The following PLCXD3 variants were observed in gnomAD, a reference collection of about 807,000 sequenced individuals.
PLCXD3 encodes the protein phosphatidylinositol specific phospholipase C X domain containing 3.
Under a neutral mutation model 25.5 loss-of-function variants are expected in PLCXD3, and 19 were observed. The ratio of observed to expected loss-of-function variants is 0.75; its 90% confidence interval spans 0.52 to 1.09. The LOEUF (loss-of-function observed/expected upper bound fraction) is 1.09. Ranked by LOEUF, PLCXD3 falls within the 50% of genes least tolerant of loss-of-function variation. PLCXD3 has a pLI of 0.00. For missense variants in PLCXD3, 411 were observed against 388.1 expected (o/e 1.06, Z -0.50); for synonymous variants, 174 against 137.6 (o/e 1.26, Z -1.85).
intron 1 of PLCXD3, among the ~76,000 whole-genome samples, chr5:41,421,840 A>G (rs766325341): frequency 2.0e-5 from 3 of 152,220 alleles, no homozygotes; most frequent in East Asian, 1.9e-4. Context: ...CAGGTGTGCT[A>G]AAAAACTTTT....
chr5:41,361,330 G>A (rs1049293279), intron 2 of PLCXD3, among the ~76,000 whole-genome samples: 1 of 152,204 alleles, frequency 6.6e-6, no homozygotes, highest in Non-Finnish European at 1.5e-5. Context: ...CATACCATGA[G>A]CTTCCCTGCT....
At chr5:41,327,934 G>A (rs998494775) in intron 2 of PLCXD3, among the ~76,000 whole-genome samples, 4 of 152,002 alleles carry the variant, frequency 2.6e-5, no homozygotes, top group Non-Finnish European at 5.9e-5. Context: ...GCCTCCCAAA[G>A]CGCTGGGATT....
intron 2 of PLCXD3, among the ~76,000 whole-genome samples, chr5:41,357,240 T>C (rs909916152): frequency 3.3e-5 from 5 of 152,358 alleles, no homozygotes; most frequent in Non-Finnish European, 7.3e-5. Flanking sequence ...ATATACACTA[T>C]TCGTTAATTG....
chr5:41,433,785 G>A (rs141725819), intron 1 of PLCXD3, among the ~76,000 whole-genome samples: 30 of 152,300 alleles, frequency 2.0e-4, no homozygotes, highest in East Asian at 1.4e-3. Context: ...AACTGCTGCC[G>A]TATCAAGTAA....
chr5:41,369,738 C>T (rs7733869), intron 2 of PLCXD3, among the ~76,000 whole-genome samples: 4,691 of 152,230 alleles, frequency 0.031, 250 homozygotes, highest in African/African-American at 0.11. Context: ...CTCGGCCTCC[C>T]AAAGTGCTGG....
intron 2 of PLCXD3, among the ~76,000 whole-genome samples, chr5:41,329,869 T>C (rs1270387768): frequency 6.6e-6 from 1 of 150,400 alleles, no homozygotes; most frequent in Non-Finnish European, 1.5e-5. Flanking sequence ...TAGAATTAAG[T>C]TTATTAGAAA....
intron 1 of PLCXD3, among the ~76,000 whole-genome samples, chr5:41,397,185 C>T (rs1746032815): frequency 6.6e-6 from 1 of 152,074 alleles, no homozygotes; most frequent in Non-Finnish European, 1.5e-5. Flanking sequence ...TTGTGGCAGC[C>T]CCTCCTATCA....
intron 1 of PLCXD3, among the ~76,000 whole-genome samples, chr5:41,403,398 G>GTTTTTTTTTTTTTTT (rs764950342): frequency 8.8e-5 from 3 of 33,998 alleles, no homozygotes; most frequent in South Asian, 8.3e-4. Flanking sequence ...TGACTTATTT[G>GTTTTTTTTTTTTTTT]TTGTTTTTTT....
intron 2 of PLCXD3, among the ~76,000 whole-genome samples, chr5:41,362,404 G>A (rs1158703004): frequency 6.6e-6 from 1 of 152,032 alleles, no homozygotes; most frequent in Non-Finnish European, 1.5e-5. Flanking sequence ...AGGTGAGTTG[G>A]TTTATTTGGC....
At chr5:41,498,903 T>G (rs561453191) in intron 1 of PLCXD3, among the ~76,000 whole-genome samples, 1 of 151,576 alleles carries the variant, frequency 6.6e-6, no homozygotes, top group South Asian at 2.1e-4. Flanking sequence ...AGGATAAAAA[T>G]AACATGATCA....
At chr5:41,327,887 C>T (rs927426803) in intron 2 of PLCXD3, among the ~76,000 whole-genome samples, 2 of 152,038 alleles carry the variant, frequency 1.3e-5, no homozygotes, top group African/African-American at 4.8e-5. Context: ...CTCACTGTAA[C>T]CTCGAACTCC....
chr5:41,332,881 G>A (rs1743868967), intron 2 of PLCXD3, among the ~76,000 whole-genome samples: 1 of 152,076 alleles, frequency 6.6e-6, no homozygotes, highest in Non-Finnish European at 1.5e-5. Context: ...ACTCATAGGT[G>A]GGAACTGAAC....
At chr5:41,455,305 G>T (rs1322790603) in intron 1 of PLCXD3, among the ~76,000 whole-genome samples, 1 of 151,934 alleles carries the variant, frequency 6.6e-6, no homozygotes, top group Admixed American at 6.6e-5. Context: ...ACTCATAACT[G>T]AGGATAATTG....
intron 1 of PLCXD3, among the ~76,000 whole-genome samples, chr5:41,494,990 G>C (rs1252229079): frequency 6.6e-6 from 1 of 152,206 alleles, no homozygotes; most frequent in Admixed American, 6.5e-5. Flanking sequence ...GGATGCTCCA[G>C]ACTCTCCTTT....
At chr5:41,323,168 C>A (rs546767497) in intron 2 of PLCXD3, among the ~76,000 whole-genome samples, 2 of 151,242 alleles carry the variant, frequency 1.3e-5, no homozygotes, top group African/African-American at 2.4e-5. Flanking sequence ...ATCTAAAAAT[C>A]AAAACATTGA....
intron 1 of PLCXD3, among the ~76,000 whole-genome samples, chr5:41,468,667 G>C (rs1206232029): frequency 2.0e-5 from 3 of 151,954 alleles, no homozygotes; most frequent in Non-Finnish European, 4.4e-5. Context: ...TTTTCTTTCA[G>C]ATAGTCTGTT....
rs1369788625 is a variant in PLCXD3, at chr5:41,372,359, A to G, written c.812+9467T>C. On this transcript the variant is annotated intron_variant, in intron 2 of 2. Transcript: ENST00000377801. The stretch of plus-strand genomic sequence containing the variant: ...ACACACACACACACACCAGGCACTG[A>G]ATAGATATCTGACTTCTCAACAACT... 3.5e-4 allele frequency among the ~76,000 whole-genome samples: 52 copies of G among 148,454 alleles called. 1 individual carries two copies. The Admixed American group carries it at 3.5e-3, about 10-fold the overall frequency.
At chr5:41,383,916 A>G (rs1281920899) in intron 1 of PLCXD3, among the ~76,000 whole-genome samples, 1 of 151,996 alleles carries the variant, frequency 6.6e-6, no homozygotes, top group East Asian at 1.9e-4. Context: ...GTATATTTCT[A>G]CATTTATGTA....
intron 1 of PLCXD3, among the ~76,000 whole-genome samples, chr5:41,491,596 T>A (rs1424513653): frequency 2.0e-5 from 3 of 152,152 alleles, no homozygotes; most frequent in Non-Finnish European, 2.9e-5. Flanking sequence ...TGTAAGGACT[T>A]ACTTTATGAA....
Sources: gnomAD v4.1 joint callset for allele counts (sites outside exome capture counted in the v4.1 genomes callset) on GRCh38, gnomAD v4.1.1 for gene constraint, MANE v1.5 for transcripts, NCBI Gene and HGNC (gene_info 2026-07-23, HGNC 2026-07-21) for gene names.